The following CDH12 variants were observed in gnomAD, a reference collection of about 807,000 sequenced individuals.
CDH12 encodes cadherin-12.
Under a neutral mutation model 74.1 loss-of-function variants are expected in CDH12, and 41 were observed. The observed-to-expected ratio is 0.55, with a 90% confidence interval of 0.43 to 0.72. The LOEUF (loss-of-function observed/expected upper bound fraction) is 0.72, where lower values mean the gene tolerates loss of function less well. CDH12 is among the 30% of genes least tolerant of loss of function. CDH12 has a pLI of 0.00. For synonymous variants in CDH12, 399 were observed against 355.0 expected (o/e 1.12, Z -1.39); for missense variants, 945 against 977.2 (o/e 0.97, Z 0.44).
At position 22,681,228 on chromosome 5, in the gene CDH12, G is replaced by GGTGTGT. The variant is rs1035806842; in HGVS notation, c.-523+171824_-523+171829dup. On this transcript the variant is annotated intron_variant, in intron 1 of 14. Coordinates refer to ENST00000382254, the MANE Select transcript of CDH12 (RefSeq NM_004061.5). ...ATCATTAAGCTCCTGGGTATTGGGG[G>GGTGTGT]GTGTGTGTGTGTGTGTGTGTGTGTG... 3.1e-3 allele frequency among the ~76,000 whole-genome samples: 333 copies of GGTGTGT among 105,806 alleles called. 1 individual carries two copies. Among genetic ancestry groups the GGTGTGT allele is most frequent in the African/African-American group, 9.2e-3 (297 of 32,146 alleles). 69.4% of individuals were successfully genotyped at this position (105,806 alleles called of 152,430 possible). A position where few individuals can be genotyped will look rare whatever the true frequency, so the allele number is the denominator to read the frequency against.
At chr5:22,396,520 A>G (rs1223305951) in intron 3 of CDH12, among the ~76,000 whole-genome samples, 1 of 152,184 alleles carries the variant, frequency 6.6e-6, no homozygotes, top group African/African-American at 2.4e-5. Context: ...TTCTGGGATT[A>G]GCAGGTGACT....
At chr5:21,907,262 T>C (rs1016322529) in intron 6 of CDH12, among the ~76,000 whole-genome samples, 1 of 152,176 alleles carries the variant, frequency 6.6e-6, no homozygotes, top group Admixed American at 6.6e-5. Context: ...AGAAGCTTTC[T>C]GCCAAAGACC....
intron 4 of CDH12, among the ~76,000 whole-genome samples, chr5:22,113,950 G>A (rs907547600): frequency 3.9e-5 from 6 of 152,154 alleles, no homozygotes; most frequent in Admixed American, 1.3e-4. Flanking sequence ...GGCCTCTGGA[G>A]AGCCGGAGGG....
chr5:22,435,952 T>C (rs1744368837), intron 2 of CDH12, among the ~76,000 whole-genome samples: 1 of 151,812 alleles, frequency 6.6e-6, no homozygotes. Flanking sequence ...ATGGTGTCTT[T>C]AAAAACTCTG....
In CDH12 at chr5:21,961,446, C is replaced by G. The variant is rs535092511; in HGVS notation, c.526+13645G>C. Reference sequence around the variant, plus strand: ...GTTTTGTCCTTTTTAAATCCAGTCTCAGAATTGCTAGCTCTTAATTTGAGT... The same window carrying G: ...GTTTTGTCCTTTTTAAATCCAGTCTGAGAATTGCTAGCTCTTAATTTGAGT... On this transcript the variant is annotated intron_variant, in intron 6 of 14. Coordinates refer to ENST00000382254, the MANE Select transcript of CDH12 (RefSeq NM_004061.5). 1.8e-4 allele frequency among the ~76,000 whole-genome samples: 27 copies of G among 152,200 alleles called. No individual in the cohort carries two copies. The South Asian group carries it at 5.2e-3, about 29-fold the overall frequency.
intron 4 of CDH12, among the ~76,000 whole-genome samples, chr5:22,124,366 C>T (rs943422630): frequency 2.0e-5 from 3 of 151,956 alleles, no homozygotes; most frequent in Non-Finnish European, 2.9e-5. Context: ...CTCAGTGATC[C>T]GCACGACTCG....
At chr5:22,383,797 A>G (rs1741875403) in intron 3 of CDH12, among the ~76,000 whole-genome samples, 1 of 152,116 alleles carries the variant, frequency 6.6e-6, no homozygotes, top group Non-Finnish European at 1.5e-5. Flanking sequence ...GCTAATTATA[A>G]CCATAGCAGA....
chr5:22,656,573 T>C (rs1342976435), intron 1 of CDH12, among the ~76,000 whole-genome samples: 1 of 152,184 alleles, frequency 6.6e-6, no homozygotes, highest in Non-Finnish European at 1.5e-5. Context: ...AACAAATTGA[T>C]AGTGGATATG....
At chr5:22,346,543 G>T (rs571246959) in intron 3 of CDH12, among the ~76,000 whole-genome samples, 1 of 152,276 alleles carries the variant, frequency 6.6e-6, no homozygotes, top group Non-Finnish European at 1.5e-5. Context: ...ACAAGTGATA[G>T]ATTATATAAT....
chr5:22,155,493 C>A (rs1425502405), intron 4 of CDH12, among the ~76,000 whole-genome samples: 2 of 152,062 alleles, frequency 1.3e-5, no homozygotes, highest in Non-Finnish European at 2.9e-5. Flanking sequence ...ATCTTTTAAT[C>A]ATGCTACTAC....
intron 7 of CDH12, among the ~76,000 whole-genome samples, chr5:21,844,688 T>C (rs577772135): frequency 6.6e-6 from 1 of 152,246 alleles, no homozygotes; most frequent in East Asian, 1.9e-4. Context: ...CTATTTTGTC[T>C]CTGTTCAATT....
intron 10 of CDH12, among the ~76,000 whole-genome samples, chr5:21,783,813 T>TA (rs1561181564): frequency 6.6e-6 from 1 of 152,030 alleles, no homozygotes; most frequent in African/African-American, 2.4e-5. Flanking sequence ...TTTCAAGCAG[T>TA]AAAAAATTCC....
chr5:22,535,158 C>CTTTT (rs1428084818), intron 1 of CDH12, among the ~76,000 whole-genome samples: 1 of 75,398 alleles, frequency 1.3e-5, no homozygotes, highest in African/African-American at 4.5e-5. Flanking sequence ...TTTTTTTTTT[C>CTTTT]TTTTTTTTTT....
chr5:22,190,330 T>A (rs1332098249), intron 4 of CDH12, among the ~76,000 whole-genome samples: 1 of 151,508 alleles, frequency 6.6e-6, no homozygotes, highest in African/African-American at 2.4e-5. Context: ...CTCATTTCAA[T>A]TTAATTCATG....
intron 3 of CDH12, among the ~76,000 whole-genome samples, chr5:22,295,779 T>A (rs746996251): frequency 2.0e-5 from 3 of 152,082 alleles, no homozygotes. Flanking sequence ...ATAGGCTATA[T>A]GAAATTTACT....
intron 1 of CDH12, among the ~76,000 whole-genome samples, chr5:22,787,891 G>A (rs1747717689): frequency 6.6e-6 from 1 of 152,114 alleles, no homozygotes; most frequent in Non-Finnish European, 1.5e-5. Context: ...GCAAGAGAGA[G>A]AAAAACCAGG....
At chr5:22,144,517 C>T (rs1482847751) in intron 4 of CDH12, among the ~76,000 whole-genome samples, 2 of 152,090 alleles carry the variant, frequency 1.3e-5, no homozygotes. Context: ...CAATGCCTCA[C>T]AGTCAAAATT....
intron 6 of CDH12, chr5:21,882,565 G>C (rs1752411657): frequency 7.0e-7 from 1 of 1,426,424 alleles, no homozygotes; most frequent in Admixed American, 1.7e-5. Context: ...CCGCGCGCAT[G>C]CCCTGCAGCC....
chr5:22,256,261 C>G (rs55930106), intron 3 of CDH12, among the ~76,000 whole-genome samples: 1 of 152,102 alleles, frequency 6.6e-6, no homozygotes, highest in African/African-American at 2.4e-5. Flanking sequence ...TAACAGTGTT[C>G]TGGTCAATGA....
Sources: allele counts gnomAD v4.1 joint callset (sites outside exome capture counted in the v4.1 genomes callset), GRCh38; gene constraint gnomAD v4.1.1; transcripts MANE v1.5; gene names NCBI Gene and HGNC (gene_info 2026-07-23, HGNC 2026-07-21).